Variants in DCLRE1C observed in about 807,000 individuals in gnomAD.
DCLRE1C encodes the protein protein artemis.
Under a neutral mutation model 61.4 loss-of-function variants are expected in DCLRE1C, and 47 were observed. The ratio of observed to expected loss-of-function variants is 0.77; its 90% confidence interval spans 0.61 to 0.98. The LOEUF (loss-of-function observed/expected upper bound fraction) is 0.98. DCLRE1C is among the 50% of genes least tolerant of loss of function. The probability of loss-of-function intolerance (pLI) is 0.00; values close to 1 mark genes in which losing one functional copy is unlikely to be tolerated. For missense variants in DCLRE1C, 858 were observed against 816.0 expected, an observed-to-expected ratio of 1.05 and a Z score of -0.63; for synonymous variants, 337 against 287.6, an observed-to-expected ratio of 1.17 and a Z score of -1.74.
chr10:14,932,985 A>C, intron 8 of DCLRE1C, 30 bp from the exon 9 acceptor site: 1 of 1,605,730 alleles, frequency 6.2e-7, no homozygotes, highest in East Asian at 2.2e-5. Context: ...CATGCAAATT[A>C]TGTGAAATGT....
chr10:14,933,815 G>A (rs771925662), intron 8 of DCLRE1C, among the ~76,000 whole-genome samples: 4 of 152,038 alleles, frequency 2.6e-5, no homozygotes, highest in Middle Eastern at 3.2e-3. Context: ...TTGTCTATGC[G>A]GCATTTCACT....
exon 14 of DCLRE1C, chr10:14,898,914 G>A: frequency 3.2e-6 from 1 of 313,984 alleles, no homozygotes; most frequent in Non-Finnish European, 5.8e-6. Context: ...GCATATACTT[G>A]CAGATTTAGT....
intron 2 of DCLRE1C, chr10:14,945,535 G>A (rs41296436): frequency 0.017 from 19,161 of 1,101,384 alleles, 208 homozygotes; most frequent in South Asian, 0.034. Context: ...TTGTTACTTG[G>A]AAATACGCGC....
At chr10:14,936,345 A>ATTT (rs1839915613) in intron 5 of DCLRE1C, among the ~76,000 whole-genome samples, 193 bp downstream of exon 5, 1 of 139,204 alleles carries the variant, frequency 7.2e-6, no homozygotes, top group African/African-American at 2.8e-5. Context: ...TTTTTTTTTA[A>ATTT]AAAAAAAACT....
At position 14,925,260 on chromosome 10, in the gene DCLRE1C, C is replaced by G. The variant is rs145319166; in HGVS notation, c.972+1583G>C. ...AAAAAAAAAAAAAAGTAAAGTCAAG[C>G]CTATACCAGAAATGGTTCACTACTA... On this transcript the variant is annotated intron_variant, in intron 11 of 13. Transcript: ENST00000378278. Among the ~76,000 whole-genome samples the G allele has an allele frequency of 6.1e-3, 899 of 146,248 alleles. 8 individuals are homozygous for G. The highest frequency in any genetic ancestry group is 0.022 in the African/African-American group (849 of 38,392).
chr10:14,927,988 C>T lies in DCLRE1C; in HGVS notation c.917+28G>A, dbSNP rs552013632. The stretch of plus-strand genomic sequence containing the variant: ...CAGACAATTTACTCAAAGTTTCTCT[C>T]AGAAGACCTATGATATTGCTCTCTT... On this transcript the variant is annotated intron_variant, in intron 10 of 13. Coordinates refer to ENST00000378278, the MANE Select transcript of DCLRE1C (RefSeq NM_001033855.3). 14 of 1,612,250 alleles carry T rather than the reference C, an allele frequency of 8.7e-6. No homozygotes were observed. In the African/African-American group the frequency reaches 1.6e-4, roughly 18 times the overall value.
downstream of DCLRE1C, chr10:14,904,017 G>C (rs1482963249): frequency 6.6e-6 from 1 of 152,148 alleles, no homozygotes; most frequent in Non-Finnish European, 1.5e-5. Flanking sequence ...TGCAGAATGG[G>C]GGGCCAGGCC....
rs1008423637 is a variant in DCLRE1C at position 14,905,453 on chromosome 10, T to A, written c.*2955A>T. On this transcript the variant is annotated 3_prime_UTR_variant, in exon 14 of 14. Coordinates refer to ENST00000378278, the MANE Select transcript of DCLRE1C (RefSeq NM_001033855.3). ...AGTCTTTTATGCCTTTTATATGTAT[T>A]CATGTGCTTCTAATGAACCTGTCAG... 8.5e-5 allele frequency among the ~76,000 whole-genome samples: 13 copies of A among 152,362 alleles called. No homozygotes were observed. The highest frequency in any genetic ancestry group is 2.9e-4 in the African/African-American group (12 of 41,588).
chr10:14,953,880 G>C (rs1435812481), intron 1 of DCLRE1C, 22 bp downstream of exon 1: 2 of 1,613,462 alleles, frequency 1.2e-6, no homozygotes, highest in Middle Eastern at 1.7e-4. Flanking sequence ...CCGGGAGCGG[G>C]CGACGCGCAG....
chr10:14,941,147 C>T (rs971466837), intron 3 of DCLRE1C, among the ~76,000 whole-genome samples: 5 of 152,190 alleles, frequency 3.3e-5, no homozygotes, highest in African/African-American at 7.2e-5. Context: ...CAAAGTGCTG[C>T]GATTACAGGT....
intron 9 of DCLRE1C, 99 bp downstream of exon 9, chr10:14,932,755 T>C: frequency 1.4e-6 from 2 of 1,410,128 alleles, no homozygotes; most frequent in Non-Finnish European, 2.0e-6. Context: ...CCTCAGGTTT[T>C]ACATTTGTAA....
intron 13 of DCLRE1C, among the ~76,000 whole-genome samples, chr10:14,912,434 C>CA (rs1835415414): frequency 6.6e-6 from 1 of 152,114 alleles, no homozygotes; most frequent in African/African-American, 2.4e-5. Flanking sequence ...TTCTACCCCC[C>CA]ACAAGAAATA....
intron 8 of DCLRE1C, among the ~76,000 whole-genome samples, chr10:14,933,402 G>A (rs186035417): frequency 3.2e-4 from 48 of 152,254 alleles, no homozygotes; most frequent in East Asian, 5.8e-4. Context: ...TTTGAGAGGC[G>A]GAGGCCGGTG....
intron 1 of DCLRE1C, among the ~76,000 whole-genome samples, chr10:14,949,669 T>C (rs1842174920): frequency 6.6e-6 from 1 of 152,260 alleles, no homozygotes; most frequent in African/African-American, 2.4e-5. Flanking sequence ...ACTATTACAT[T>C]AAGTATATCA....
rs775980446 is a variant in DCLRE1C, at chr10:14,908,705, A to G, written c.1782T>C (p.Asn594=). 6.2e-7 allele frequency: 1 copy of G among 1,614,156 alleles called. No individual in the cohort carries two copies. The highest frequency in any genetic ancestry group is 2.2e-5 in the East Asian group (1 of 44,874). ...ENIPASLMEQ[N]VICPKDTYSD... is the part of the protein sequence containing the mutation. Reference sequence around the variant, plus strand: ...AGTAAGTATCCTTTGGGCAAATTACATTTTGTTCCATGAGAGAGGCAGGAA... The same window carrying G: ...AGTAAGTATCCTTTGGGCAAATTACGTTTTGTTCCATGAGAGAGGCAGGAA... The change falls in exon 14 of 14, where the codon AAT becomes AAC. Residue 594 remains asparagine (N), a synonymous_variant. Coordinates refer to ENST00000378278, the MANE Select transcript of DCLRE1C (RefSeq NM_001033855.3).
intron 2 of DCLRE1C, among the ~76,000 whole-genome samples, chr10:14,947,265 C>T (rs1487445611): frequency 1.3e-5 from 2 of 152,052 alleles, no homozygotes; most frequent in Admixed American, 1.3e-4. Context: ...ATGGTTCTAG[C>T]CCCTAGCTGT....
chr10:14,934,888 C>T, intron 6 of DCLRE1C, 113 bp from the exon 7 acceptor site: 2 of 765,592 alleles, frequency 2.6e-6, no homozygotes, highest in Non-Finnish European at 4.6e-6. Context: ...AGTGCAATGT[C>T]TGCTCACTAC....
intron 13 of DCLRE1C, among the ~76,000 whole-genome samples, chr10:14,909,853 A>G (rs1408975323): frequency 2.0e-5 from 3 of 152,260 alleles, no homozygotes; most frequent in South Asian, 2.1e-4. Flanking sequence ...ACAAGGTTGC[A>G]ACAGGTTAAA....
At chr10:14,940,805 G>T (rs1265218658) in intron 3 of DCLRE1C, among the ~76,000 whole-genome samples, 1 of 152,208 alleles carries the variant, frequency 6.6e-6, no homozygotes, top group African/African-American at 2.4e-5. Flanking sequence ...TCTTATTCAT[G>T]ATGTACTATT....
Sources: allele counts gnomAD v4.1 joint callset (sites outside exome capture counted in the v4.1 genomes callset), GRCh38; gene constraint gnomAD v4.1.1; transcripts MANE v1.5; gene names NCBI Gene and HGNC (gene_info 2026-07-23, HGNC 2026-07-21).